NAV3: variants seen among roughly 807,000 people sequenced by gnomAD.
NAV3 encodes pore membrane and/or filament interacting like protein 1.
Under a neutral mutation model 244.7 loss-of-function variants are expected in NAV3, and 87 were observed. The observed-to-expected ratio is 0.36, with a 90% CI of 0.30 to 0.42. The LOEUF is 0.42. NAV3 is among the 20% of genes least tolerant of loss of function. NAV3 has a pLI of 1.00. For missense variants in NAV3, 2,663 were observed against 2,893.3 expected (o/e 0.92, Z 1.83); for synonymous variants, 1,126 against 1,042.2 (o/e 1.08, Z -1.55).
intron 34 of NAV3, among the ~76,000 whole-genome samples, chr12:78,194,785 G>T (rs988898059): frequency 6.6e-6 from 1 of 151,750 alleles, no homozygotes; most frequent in African/African-American, 2.4e-5. Flanking sequence ...TCATATTTTC[G>T]TGTTTCTGAC....
At position 78,051,088 on chromosome 12, in the gene NAV3, A is replaced by G. The variant is rs1315437843; in HGVS notation, c.2457A>G (p.Gly819=). Residue 819 remains glycine, a synonymous_variant, in exon 11 of 40, where the codon GGA becomes GGG. Coordinates refer to ENST00000397909, the MANE Select transcript of NAV3 (RefSeq NM_001024383.2). ...LDMSSEVDVG[G]YMSDGDILGK... is the part of the protein sequence containing the mutation. ...TGTCTTCTGAGGTCGATGTGGGTGG[A>G]TATATGAGTGATGGTGATATCCTTG... 1 of 1,614,072 alleles carries G rather than the reference A, an allele frequency of 6.2e-7. No individual in the cohort carries two copies. The highest frequency in any genetic ancestry group is 1.7e-5 in the Admixed American group (1 of 60,004).
At chr12:77,706,872 A>T in intron 2 of NAV3, among the ~76,000 whole-genome samples, 1 of 7,960 alleles carries the variant, frequency 1.3e-4, no homozygotes, top group Admixed American at 1.8e-3. Flanking sequence ...CTCTGTTTCA[A>T]AAAAAAAAAA....
At chr12:77,998,274 C>T in intron 6 of NAV3, 63 bp from the exon 7 acceptor site, 1 of 1,267,858 alleles carries the variant, frequency 7.9e-7, no homozygotes. Flanking sequence ...ACTTTCAGCA[C>T]CTCCTGCTTC....
intron 1 of NAV3, among the ~76,000 whole-genome samples, chr12:77,928,307 G>A (rs1442340297): frequency 6.6e-6 from 1 of 150,466 alleles, no homozygotes; most frequent in Non-Finnish European, 1.5e-5. Flanking sequence ...GGAACAGCAA[G>A]AAAGATTAGA....
intron 1 of NAV3, among the ~76,000 whole-genome samples, chr12:77,911,459 A>G (rs533503007): frequency 6.6e-6 from 1 of 152,270 alleles, no homozygotes; most frequent in African/African-American, 2.4e-5. Flanking sequence ...AAGATCAACT[A>G]ATAAGTACAC....
chr12:77,637,556 T>A (rs2136940519), intron 2 of NAV3, among the ~76,000 whole-genome samples: 1 of 152,310 alleles, frequency 6.6e-6, no homozygotes, highest in Admixed American at 6.5e-5. Context: ...ATTAGCTTAT[T>A]TAATCCTCAT....
intron 2 of NAV3, among the ~76,000 whole-genome samples, chr12:77,810,995 GC>G (rs755718445): frequency 1.3e-5 from 2 of 151,976 alleles, no homozygotes; most frequent in Non-Finnish European, 2.9e-5. Context: ...AATATACAAG[GC>G]AATTTGATTT....
chr12:78,190,906 A>G (rs953041346), intron 34 of NAV3, among the ~76,000 whole-genome samples: 5 of 152,156 alleles, frequency 3.3e-5, no homozygotes, highest in Admixed American at 1.3e-4. Flanking sequence ...GAAATAGTTG[A>G]TGGCTAACAT....
At chr12:78,014,144 C>T (rs1033197624) in intron 8 of NAV3, among the ~76,000 whole-genome samples, 1 of 151,992 alleles carries the variant, frequency 6.6e-6, no homozygotes, top group Non-Finnish European at 1.5e-5. Context: ...AAAGGGAGAC[C>T]TGTGTGTTTT....
intron 2 of NAV3, among the ~76,000 whole-genome samples, chr12:77,580,105 C>T (rs560590128): frequency 5.4e-4 from 82 of 152,146 alleles, no homozygotes; most frequent in African/African-American, 2.0e-3. Flanking sequence ...GCTCAAATCA[C>T]GGCACTCCAT....
intron 2 of NAV3, among the ~76,000 whole-genome samples, chr12:77,715,393 T>A (rs1876313874): frequency 6.6e-6 from 1 of 151,934 alleles, no homozygotes; most frequent in Admixed American, 6.6e-5. Context: ...CTTATTTGCA[T>A]TGCTTTTTCA....
intron 2 of NAV3, among the ~76,000 whole-genome samples, chr12:77,812,137 A>G (rs1052074631): frequency 1.3e-5 from 2 of 152,116 alleles, no homozygotes; most frequent in African/African-American, 4.8e-5. Flanking sequence ...AACAGCCCAT[A>G]TCCTGTTGCT....
At chr12:77,909,427 A>T (rs1886348989) in intron 1 of NAV3, among the ~76,000 whole-genome samples, 1 of 150,844 alleles carries the variant, frequency 6.6e-6, no homozygotes, top group Admixed American at 6.6e-5. Context: ...ACCAACTTAA[A>T]ATCTTTAATT....
At chr12:78,161,024 C>A (rs1957522755) in intron 23 of NAV3, among the ~76,000 whole-genome samples, 2 of 151,838 alleles carry the variant, frequency 1.3e-5, no homozygotes, top group Non-Finnish European at 2.9e-5. Flanking sequence ...ATATAAGAAC[C>A]CAGCAAATAG....
rs529650327 is a variant in NAV3, at chr12:78,011,519, A to AG, written c.1907+4077dup. On this transcript the variant is annotated intron_variant, in intron 8 of 39. Coordinates refer to ENST00000397909, the MANE Select transcript of NAV3 (RefSeq NM_001024383.2). Reference sequence around the variant, plus strand: ...AATGCATCACCAAGAAGTTAAGATAAGGGTAAGGCATAAAAGATGAGTTAC... The same window carrying AG: ...AATGCATCACCAAGAAGTTAAGATAAGGGGTAAGGCATAAAAGATGAGTTAC... Among the ~76,000 whole-genome samples, 378 of 152,312 alleles carry AG rather than the reference A, an allele frequency of 2.5e-3. 3 individuals are homozygous for AG. The highest frequency in any genetic ancestry group is 8.3e-3 in the African/African-American group (345 of 41,572).
chr12:77,924,769 T>A (rs1173155220), intron 1 of NAV3, among the ~76,000 whole-genome samples: 1 of 152,148 alleles, frequency 6.6e-6, no homozygotes. Flanking sequence ...TATTTGAAAT[T>A]ACTACACATT....
chr12:78,086,019 A>G (rs531112562), intron 12 of NAV3, among the ~76,000 whole-genome samples: 14 of 152,232 alleles, frequency 9.2e-5, no homozygotes, highest in African/African-American at 2.9e-4. Flanking sequence ...CTTCCTGCTC[A>G]GCCATTTTGT....
intron 2 of NAV3, among the ~76,000 whole-genome samples, chr12:77,639,412 A>G (rs1337749268): frequency 6.6e-6 from 1 of 152,176 alleles, no homozygotes; most frequent in Non-Finnish European, 1.5e-5. Context: ...ATTTTTCTCT[A>G]TAGCACTCAT....
chr12:77,951,140 A>G (rs1024196428), intron 3 of NAV3, among the ~76,000 whole-genome samples: 23 of 152,156 alleles, frequency 1.5e-4, no homozygotes, highest in Non-Finnish European at 2.9e-4. Context: ...GCAACCTACA[A>G]AATGGGAGAA....
Sources: allele counts gnomAD v4.1 joint callset (sites outside exome capture counted in the v4.1 genomes callset), GRCh38; gene constraint gnomAD v4.1.1; transcripts MANE v1.5; gene names NCBI Gene and HGNC (gene_info 2026-07-23, HGNC 2026-07-21).